The following RGS6 variants were observed in gnomAD, a reference collection of about 807,000 sequenced individuals.
The protein encoded by RGS6 is regulator of G protein signaling 6, also known as regulator of G-protein signaling 6.
RGS6 carries 30 observed loss-of-function variants against 78.5 expected under a neutral mutation model. The ratio of observed to expected loss-of-function variants is 0.38; its 90% CI spans 0.29 to 0.52. The LOEUF (loss-of-function observed/expected upper bound fraction) is 0.52. RGS6 is among the 20% of genes least tolerant of loss of function. The pLI is 0.85. For missense variants in RGS6, 495 were observed against 609.7 expected (o/e 0.81, Z 1.98); for synonymous variants, 206 against 206.0 (o/e 1.00, Z 0.00).
intron 3 of RGS6, among the ~76,000 whole-genome samples, chr14:72,376,280 G>T (rs943615408): frequency 3.3e-5 from 5 of 152,012 alleles, no homozygotes; most frequent in Non-Finnish European, 7.4e-5. Context: ...TTGAAGACAG[G>T]TATTTTGAAA....
intron 2 of RGS6, among the ~76,000 whole-genome samples, chr14:72,259,268 A>C (rs74751684): frequency 6.6e-6 from 1 of 152,228 alleles, no homozygotes; most frequent in Non-Finnish European, 1.5e-5. Flanking sequence ...TCAGATGATC[A>C]GTTAATATTG....
intron 3 of RGS6, among the ~76,000 whole-genome samples, chr14:72,380,285 A>C (rs113629693): frequency 1.3e-4 from 20 of 152,088 alleles, no homozygotes; most frequent in African/African-American, 4.8e-4. Context: ...ATAAGACCCC[A>C]CTGGCACAGA....
chr14:72,039,716 G>C lies in RGS6; in HGVS notation c.84+74841G>C, dbSNP rs145440529. On this transcript the variant is annotated intron_variant, in intron 2 of 17. Transcript: ENST00000553525. The stretch of plus-strand genomic sequence containing the variant: ...AATTACTGATTGGGAGAGACTTTCT[G>C]TTGTCATTTTGTTAACTGTATTCTG... Among the ~76,000 whole-genome samples the C allele has an allele frequency of 1.1e-3, 162 of 150,034 alleles. 1 individual carries two copies. The East Asian group carries it at 0.026, about 24-fold the overall frequency.
chr14:72,201,257 G>A (rs893438042), intron 2 of RGS6, among the ~76,000 whole-genome samples: 13 of 152,114 alleles, frequency 8.5e-5, no homozygotes, highest in Non-Finnish European at 1.3e-4. Flanking sequence ...GCTTATTATG[G>A]CAACTGATGA....
At chr14:72,270,460 C>A (rs904363016) in intron 2 of RGS6, among the ~76,000 whole-genome samples, 11 of 152,240 alleles carry the variant, frequency 7.2e-5, no homozygotes, top group African/African-American at 2.7e-4. Context: ...TTTCAGATGT[C>A]ACCTGAGGAC....
At chr14:72,469,719 A>C (rs2096021328) in intron 7 of RGS6, 2 of 268,248 alleles carry the variant, frequency 7.5e-6, no homozygotes, top group South Asian at 1.1e-4. Context: ...CCTTTGAAAC[A>C]AGTGCTGTGT....
chr14:72,382,919 A>G (rs1194112355), intron 3 of RGS6, among the ~76,000 whole-genome samples: 1 of 152,062 alleles, frequency 6.6e-6, no homozygotes, highest in Non-Finnish European at 1.5e-5. Flanking sequence ...AAAAATACAT[A>G]CTTGAAAAGG....
At chr14:72,561,051 A>G (rs2097669047) in intron 17 of RGS6, among the ~76,000 whole-genome samples, 1 of 152,164 alleles carries the variant, frequency 6.6e-6, no homozygotes, top group African/African-American at 2.4e-5. Context: ...TCTAAGCCAG[A>G]TGCCACATTG....
intron 2 of RGS6, among the ~76,000 whole-genome samples, chr14:72,308,268 G>A (rs185688488): frequency 2.8e-4 from 43 of 152,170 alleles, no homozygotes; most frequent in African/African-American, 5.8e-4. Context: ...TTCCCCTACC[G>A]CAAATATTGA....
chr14:72,054,396 A>G (rs2093505094), intron 2 of RGS6, among the ~76,000 whole-genome samples: 1 of 152,204 alleles, frequency 6.6e-6, no homozygotes, highest in South Asian at 2.1e-4. Context: ...TTGGCCTGAC[A>G]GTTTTGAGAT....
intron 15 of RGS6, among the ~76,000 whole-genome samples, chr14:72,526,160 G>A (rs1567053569): frequency 6.6e-6 from 1 of 151,598 alleles, no homozygotes; most frequent in Non-Finnish European, 1.5e-5. Context: ...CTGGTGTGTG[G>A]TGGCACAATC....
At chr14:72,177,949 A>C (rs74806917) in intron 2 of RGS6, among the ~76,000 whole-genome samples, 2,390 of 152,264 alleles carry the variant, frequency 0.016, 36 homozygotes, top group South Asian at 0.025. Flanking sequence ...TTGGTCCTTC[A>C]AGGGCAGTGG....
chr14:72,332,466 A>T (rs911033818), intron 2 of RGS6, among the ~76,000 whole-genome samples: 1 of 152,210 alleles, frequency 6.6e-6, no homozygotes, highest in East Asian at 1.9e-4. Flanking sequence ...CACTTTTGTC[A>T]CCAACTGACC....
intron 15 of RGS6, among the ~76,000 whole-genome samples, chr14:72,534,127 G>A (rs80349859): frequency 0.017 from 2,627 of 152,208 alleles, 72 homozygotes; most frequent in African/African-American, 0.059. Flanking sequence ...CAGTCACCTC[G>A]GCCTTCGGCA....
the RGS6 span, among the ~76,000 whole-genome samples, chr14:72,579,409 C>T: frequency 6.6e-6 from 1 of 152,216 alleles, no homozygotes; most frequent in Non-Finnish European, 1.5e-5. Flanking sequence ...AAAAGCCAGT[C>T]AGCCAAATAA....
At chr14:72,518,677 T>C (rs891566946) in intron 15 of RGS6, 140 bp downstream of exon 15, 3 of 778,638 alleles carry the variant, frequency 3.9e-6, no homozygotes, top group South Asian at 2.0e-5. Context: ...GTGGAAACCA[T>C]TTCAGATAGG....
At position 72,478,281 on chromosome 14, in the gene RGS6, A is replaced by G. The variant is rs746397020; in HGVS notation, c.806A>G (p.Asn269Ser). 9 of 1,612,804 alleles carry G rather than the reference A, an allele frequency of 5.6e-6. No individual in the cohort carries two copies. The highest frequency in any genetic ancestry group is 7.6e-6 in the Non-Finnish European group (9 of 1,178,986). ...EDIRKQITFL[N>S]AQIDRHCLKM... The stretch of plus-strand genomic sequence containing the variant: ...CTATTTTCCCAGATAACATTTTTGA[A>G]CGCACAGATCGACAGACATTGTTTG... The change falls in exon 12 of 18, where the codon AAC becomes AGC. Residue 269 changes from asparagine to serine, a missense_variant. Coordinates refer to ENST00000553525, the MANE Select transcript of RGS6 (RefSeq NM_001204424.2).
chr14:72,561,377 G>C (rs1285267880), intron 17 of RGS6, among the ~76,000 whole-genome samples: 1 of 152,184 alleles, frequency 6.6e-6, no homozygotes, highest in Admixed American at 6.5e-5. Context: ...AATAATATGG[G>C]TTTGGAGTGC....
intron 2 of RGS6, among the ~76,000 whole-genome samples, chr14:72,156,238 A>G (rs1184896209): frequency 6.6e-6 from 1 of 152,070 alleles, no homozygotes; most frequent in Non-Finnish European, 1.5e-5. Context: ...TGAGGTCAAG[A>G]GTTCGAGAAC....
Sources: gnomAD v4.1 joint callset for allele counts (sites outside exome capture counted in the v4.1 genomes callset) on GRCh38, gnomAD v4.1.1 for gene constraint, MANE v1.5 for transcripts, NCBI Gene and HGNC (gene_info 2026-07-23, HGNC 2026-07-21) for gene names.